The following ZDHHC13 variants were observed in gnomAD, a reference collection of about 807,000 sequenced individuals.
ZDHHC13 encodes the protein zDHHC palmitoyltransferase 13.
Under a neutral mutation model 86.0 loss-of-function variants are expected in ZDHHC13, and 85 were observed. The ratio of observed to expected loss-of-function variants is 0.99; its 90% CI spans 0.83 to 1.18. The LOEUF is 1.18. Among genes scored for constraint, ZDHHC13 ranks in the 50% most tolerant of loss-of-function variants. The probability of loss-of-function intolerance (pLI) is 0.00; values close to 1 mark genes in which losing one functional copy is unlikely to be tolerated. For synonymous variants in ZDHHC13, 263 were observed against 246.4 expected (o/e 1.07, Z -0.63); for missense variants, 711 against 730.2 (o/e 0.97, Z 0.30).
intron 15 of ZDHHC13, 89 bp from the exon 16 acceptor site, chr11:19,172,634 G>T: frequency 3.0e-6 from 3 of 994,228 alleles, no homozygotes; most frequent in Middle Eastern, 2.3e-4. Context: ...CACAAATTGA[G>T]ATAATTGCAC....
At chr11:19,166,280 G>A in intron 13 of ZDHHC13, 22 bp from the exon 14 acceptor site, 3 of 1,579,242 alleles carry the variant, frequency 1.9e-6, no homozygotes, top group Non-Finnish European at 1.7e-6. Flanking sequence ...TATTAAGTAT[G>A]TTTTTTTTCT....
intron 1 of ZDHHC13, among the ~76,000 whole-genome samples, chr11:19,123,608 C>A (rs547947177): frequency 1.3e-5 from 2 of 152,092 alleles, no homozygotes; most frequent in African/African-American, 2.4e-5. Context: ...GATGGTGCCA[C>A]TGCACTCCAG....
At chr11:19,172,363 G>T (rs1180207699) in intron 15 of ZDHHC13, among the ~76,000 whole-genome samples, 2 of 152,164 alleles carry the variant, frequency 1.3e-5, no homozygotes, top group African/African-American at 4.8e-5. Context: ...GAGCCACCGT[G>T]CCCTGCCGCA....
chr11:19,125,097 C>G (rs1848845372), intron 1 of ZDHHC13, among the ~76,000 whole-genome samples: 1 of 152,058 alleles, frequency 6.6e-6, no homozygotes, highest in African/African-American at 2.4e-5. Context: ...AAAGCACAAT[C>G]CATAAAAGAA....
intron 12 of ZDHHC13, 39 bp from the exon 13 acceptor site, chr11:19,165,013 A>G (rs771332215): frequency 1.9e-6 from 3 of 1,576,272 alleles, no homozygotes; most frequent in African/African-American, 2.7e-5. Flanking sequence ...ACTTTGAGAC[A>G]CTGGTTTTTG....
chr11:19,170,023 A>T (rs1193200453), intron 14 of ZDHHC13: 3 of 1,013,286 alleles, frequency 3.0e-6, no homozygotes, highest in African/African-American at 3.5e-5. Context: ...AATGCTTAAT[A>T]AGAGTTTATA....
intron 8 of ZDHHC13, among the ~76,000 whole-genome samples, chr11:19,154,419 C>T (rs1285975376): frequency 2.0e-5 from 3 of 151,706 alleles, no homozygotes; most frequent in Non-Finnish European, 2.9e-5. Context: ...GTCATCATGC[C>T]AATTGGAATA....
chr11:19,165,031 C>G (rs1401349428), intron 12 of ZDHHC13, 21 bp from the exon 13 acceptor site: 1 of 1,605,876 alleles, frequency 6.2e-7, no homozygotes, highest in Non-Finnish European at 8.5e-7. Context: ...TTGCTTAGGC[C>G]TCTCTTAATT....
At position 19,170,585 on chromosome 11, in the gene ZDHHC13, T is replaced by C; in HGVS notation, c.1632+17T>C. 1 of 1,507,388 alleles carries C rather than the reference T, an allele frequency of 6.6e-7. No individual in the cohort carries two copies. Among genetic ancestry groups the C allele is most frequent in the Non-Finnish European group, 8.8e-7 (1 of 1,134,462 alleles). 93.4% of individuals were successfully genotyped at this position (1,507,388 alleles called of 1,614,324 possible). ...CTCTTTCAGGTATTTATTTCTCTTC[T>C]TATAATGGCTTTGAGTAAAATTTCT... On this transcript the variant is annotated intron_variant, in intron 15 of 16. Coordinates refer to ENST00000446113, the MANE Select transcript of ZDHHC13 (RefSeq NM_019028.3).
chr11:19,146,241 A>C lies in ZDHHC13; in HGVS notation c.234A>C (p.Pro78=), dbSNP rs747910817. The C allele has an allele frequency of 5.6e-6, 9 of 1,612,992 alleles. No individual in the cohort carries two copies. In the Admixed American group the frequency reaches 1.5e-4, roughly 27 times the overall value. Residue 78 remains proline (P), a synonymous_variant, in exon 3 of 17, where the codon CCA becomes CCC. Transcript: ENST00000446113. ...AAGCAGGATATGATGTCAGGCAACCAGATAAAGAAAATGTGTCGCTTCTTC... is the reference window on the plus strand; with the variant it reads ...AAGCAGGATATGATGTCAGGCAACCCGATAAAGAAAATGTGTCGCTTCTTC... ...LVEAGYDVRQ[P]DKENVSLLHW...
intron 1 of ZDHHC13, among the ~76,000 whole-genome samples, chr11:19,120,894 A>C (rs1186298208): frequency 1.3e-5 from 2 of 152,216 alleles, no homozygotes; most frequent in East Asian, 3.8e-4. Flanking sequence ...GAATACTTGG[A>C]GCTGGAAGGC....
intron 8 of ZDHHC13, among the ~76,000 whole-genome samples, chr11:19,153,029 G>A (rs1265410925): frequency 6.6e-6 from 1 of 152,088 alleles, no homozygotes. Flanking sequence ...ATAGAAGCTT[G>A]TAGGAATAGT....
intron 10 of ZDHHC13, among the ~76,000 whole-genome samples, chr11:19,160,696 C>G (rs1012104457): frequency 6.6e-6 from 1 of 151,882 alleles, no homozygotes; most frequent in African/African-American, 2.4e-5. Context: ...CAAGTAACCC[C>G]TCTCCCCATT....
chr11:19,143,858 G>C (rs1161481863), intron 2 of ZDHHC13, among the ~76,000 whole-genome samples: 2 of 152,152 alleles, frequency 1.3e-5, no homozygotes, highest in Non-Finnish European at 2.9e-5. Flanking sequence ...TTGTACATCA[G>C]ACTACATCAA....
At position 19,166,330 on chromosome 11, in the gene ZDHHC13, C is replaced by A; in HGVS notation, c.1419C>A (p.Phe473Leu). ...TTGGCAACCATCACTATTACATATT[C>A]TTCTTGTTTTTCCTTTCCATGGTAT... ...IGFGNHHYYI[F>L]FLFFLSMVCG... Residue 473 changes from phenylalanine to leucine, a missense_variant, in exon 14 of 17, where the codon TTC (phenylalanine) becomes TTA (leucine). Transcript: ENST00000446113. The A allele has an allele frequency of 6.2e-7, 1 of 1,611,762 alleles. No individual in the cohort carries two copies. The highest frequency in any genetic ancestry group is 8.5e-7 in the Non-Finnish European group (1 of 1,179,254).
chr11:19,132,770 T>G (rs1406268371), intron 1 of ZDHHC13, among the ~76,000 whole-genome samples: 1 of 152,216 alleles, frequency 6.6e-6, no homozygotes, highest in Non-Finnish European at 1.5e-5. Context: ...TGTTTTGTTT[T>G]TTTCTCATAT....
At chr11:19,132,234 A>G (rs536261329) in intron 1 of ZDHHC13, among the ~76,000 whole-genome samples, 1 of 152,240 alleles carries the variant, frequency 6.6e-6, no homozygotes, top group African/African-American at 2.4e-5. Context: ...CAGGCGGTAA[A>G]GTTAATGTTG....
At position 19,175,971 on chromosome 11, in the gene ZDHHC13, C is replaced by T. The variant is rs781478655; in HGVS notation, c.*11C>T. The T allele has an allele frequency of 3.1e-6, 5 of 1,588,728 alleles. No homozygotes were observed. The African/African-American group carries it at 4.1e-5, about 13-fold the overall frequency. ...CTTCGCTCAGTATGAAGAAAAGCAA[C>T]CCAAAACTCTCAATCTGATTTGTTT... On this transcript the variant is annotated 3_prime_UTR_variant, in exon 17 of 17. Transcript: ENST00000446113.
chr11:19,128,032 T>G (rs2133367478), intron 1 of ZDHHC13, among the ~76,000 whole-genome samples: 1 of 152,324 alleles, frequency 6.6e-6, no homozygotes, highest in East Asian at 1.9e-4. Flanking sequence ...ATCTGTAAAT[T>G]GCTTTGGGTA....
Sources: allele counts gnomAD v4.1 joint callset (sites outside exome capture counted in the v4.1 genomes callset), GRCh38; gene constraint gnomAD v4.1.1; transcripts MANE v1.5; gene names NCBI Gene and HGNC (gene_info 2026-07-23, HGNC 2026-07-21).